Variants in TMPRSS2 observed in about 807,000 individuals in gnomAD.
TMPRSS2 encodes the protein transmembrane protease serine 2.
TMPRSS2 carries 59 observed loss-of-function variants against 67.4 expected under a neutral mutation model. The ratio of observed to expected loss-of-function variants is 0.88; its 90% confidence interval spans 0.71 to 1.09. TMPRSS2 has a LOEUF of 1.09. Ranked by LOEUF, TMPRSS2 falls within the 50% of genes least tolerant of loss-of-function variation. TMPRSS2 has a pLI of 0.00. For synonymous variants in TMPRSS2, 257 were observed against 257.0 expected, an observed-to-expected ratio of 1.00 and a Z score of 0.00; for missense variants, 668 against 642.7, an observed-to-expected ratio of 1.04 and a Z score of -0.43.
intron 1 of TMPRSS2, among the ~76,000 whole-genome samples, chr21:41,500,226 C>A (rs1216187242): frequency 3.9e-5 from 6 of 152,234 alleles, no homozygotes; most frequent in Non-Finnish European, 8.8e-5. Context: ...GTAACACCTA[C>A]CTCCAGGGCA....
rs1401630535 is a variant in TMPRSS2 at position 41,480,480 on chromosome 21, A to C, written c.568T>G (p.Tyr190Asp). 1 of 1,613,384 alleles carries C rather than the reference A, an allele frequency of 6.2e-7. No individual in the cohort carries two copies. Among genetic ancestry groups the C allele is most frequent in the Non-Finnish European group, 8.5e-7 (1 of 1,180,010 alleles). The change falls in exon 6 of 14, where the codon TAT (tyrosine) becomes GAT (aspartate). Residue 190 changes from tyrosine to aspartate, a missense_variant. By Grantham distance (160) the Tyr-to-Asp change is radical. Coordinates refer to ENST00000332149, the MANE Select transcript of TMPRSS2 (RefSeq NM_005656.4). ...CGGGTGCTGCCCCATACTCACTTAT[A>C]GCCCATGTCCCTGCAGGCCGCCCGC... ...YGRAACRDMG[Y>D]KNNFYSSQGI...
rs2091103260 is a variant in TMPRSS2, at chr21:41,468,484, C to T, written c.1226G>A (p.Arg409Lys). The change falls in exon 12 of 14, where the codon AGA (arginine) becomes AAA (lysine). Residue 409 changes from arginine (R) to lysine (K), a missense_variant. Coordinates refer to ENST00000332149, the MANE Select transcript of TMPRSS2 (RefSeq NM_005656.4). ...GTCATAGACATATCTGCTGTTGCAT[C>T]TCTGTGTCTCAATGAGAAGCACCTT... ...AAKVLLIETQ[R>K]CNSRYVYDNL... The T allele has an allele frequency of 6.2e-7, 1 of 1,614,078 alleles. No individual in the cohort carries two copies. The highest frequency in any genetic ancestry group is 1.7e-5 in the Admixed American group (1 of 60,010).
At chr21:41,488,937 A>T (rs2091316633) in intron 4 of TMPRSS2, among the ~76,000 whole-genome samples, 1 of 152,240 alleles carries the variant, frequency 6.6e-6, no homozygotes, top group Non-Finnish European at 1.5e-5. Context: ...CACCTCACCC[A>T]GCCAATCCCC....
At position 41,464,431 on chromosome 21, in the gene TMPRSS2, G is replaced by A. The variant is rs1273880358; in HGVS notation, c.*1711C>T. 4 of 188,136 alleles carry A rather than the reference G, an allele frequency of 2.1e-5. No individual in the cohort carries two copies. The highest frequency in any genetic ancestry group is 2.0e-4 in the South Asian group (1 of 5,120). The allele number at this position is 188,136 out of a possible 1,614,324, so 11.7% of individuals were successfully genotyped here. A position where few individuals can be genotyped will look rare whatever the true frequency, so the allele number is the denominator to read the frequency against. On this transcript the variant is annotated 3_prime_UTR_variant, in exon 14 of 14. Coordinates refer to ENST00000332149, the MANE Select transcript of TMPRSS2 (RefSeq NM_005656.4). Reference sequence around the variant, plus strand: ...CAGGAACTGAGGGCACCAACCACAGGAGCACCAAGTCTGGCCTTGCCTCAC... The same window carrying A: ...CAGGAACTGAGGGCACCAACCACAGAAGCACCAAGTCTGGCCTTGCCTCAC...
chr21:41,494,631 G>T, intron 2 of TMPRSS2, 53 bp from the exon 3 acceptor site: 3 of 1,492,058 alleles, frequency 2.0e-6, no homozygotes, highest in Non-Finnish European at 9.3e-7. Context: ...TGCACTAAAG[G>T]GTTACATACA....
chr21:41,495,795 A>G (rs544110139), intron 2 of TMPRSS2, among the ~76,000 whole-genome samples: 49 of 152,220 alleles, frequency 3.2e-4, no homozygotes, highest in African/African-American at 1.1e-3. Context: ...CTCAAGACGT[A>G]CAGACTCAAA....
chr21:41,508,150 C>A lies in TMPRSS2; in HGVS notation c.-126G>T. On this transcript the variant is annotated 5_prime_UTR_variant, in exon 1 of 14. Coordinates refer to ENST00000332149, the MANE Select transcript of TMPRSS2 (RefSeq NM_005656.4). Reference sequence around the variant, plus strand: ...CCGCCTCCGCCTCCTGCTTAGCTCGCGCCTACTCGGCCCGGCCCGCCCTGG... The same window carrying A: ...CCGCCTCCGCCTCCTGCTTAGCTCGAGCCTACTCGGCCCGGCCCGCCCTGG... The A allele has an allele frequency of 1.3e-6, 1 of 769,568 alleles. No homozygotes were observed. Among genetic ancestry groups the A allele is most frequent in the South Asian group, 3.5e-5 (1 of 28,812 alleles). 47.7% of individuals were successfully genotyped at this position (769,568 alleles called of 1,614,324 possible).
intron 1 of TMPRSS2, among the ~76,000 whole-genome samples, chr21:41,506,878 G>T (rs2091461733): frequency 6.6e-6 from 1 of 152,222 alleles, no homozygotes; most frequent in African/African-American, 2.4e-5. Flanking sequence ...CCTTGGGCGC[G>T]ATGCGCTCAT....
chr21:41,470,898 T>A (rs1342473270), intron 10 of TMPRSS2, among the ~76,000 whole-genome samples, 155 bp from the exon 11 acceptor site: 1 of 152,214 alleles, frequency 6.6e-6, no homozygotes, highest in African/African-American at 2.4e-5. Flanking sequence ...TTTCTCCCCC[T>A]GCCAGACCTC....
intron 1 of TMPRSS2, 107 bp downstream of exon 1, chr21:41,507,974 C>T: frequency 1.4e-6 from 2 of 1,462,144 alleles, no homozygotes; most frequent in Non-Finnish European, 1.8e-6. Context: ...TCCTCACACC[C>T]GCTTTCACCT....
At chr21:41,507,836 G>T in intron 1 of TMPRSS2, 1 of 1,203,804 alleles carries the variant, frequency 8.3e-7, no homozygotes, top group East Asian at 3.2e-5. Flanking sequence ...GCCAACAGGG[G>T]CGGCGAGGGC....
intron 3 of TMPRSS2, among the ~76,000 whole-genome samples, chr21:41,492,602 G>A (rs1054522667): frequency 6.6e-6 from 1 of 152,176 alleles, no homozygotes; most frequent in Non-Finnish European, 1.5e-5. Flanking sequence ...TAGTACCAGG[G>A]TAAGTTCAAT....
At chr21:41,490,935 C>G (rs1218578734) in intron 3 of TMPRSS2, among the ~76,000 whole-genome samples, 2 of 152,304 alleles carry the variant, frequency 1.3e-5, no homozygotes, top group Admixed American at 1.3e-4. Flanking sequence ...CCCACCTGGC[C>G]ACACCTGTGC....
chr21:41,483,877 C>A (rs2091276652), intron 5 of TMPRSS2, among the ~76,000 whole-genome samples: 1 of 150,904 alleles, frequency 6.6e-6, no homozygotes, highest in Non-Finnish European at 1.5e-5. Flanking sequence ...TGCCTGTAAT[C>A]TCAGCACTTT....
chr21:41,488,319 C>T, intron 5 of TMPRSS2, 75 bp downstream of exon 5: 1 of 1,564,836 alleles, frequency 6.4e-7, no homozygotes. Flanking sequence ...GCCCAGTCAC[C>T]CAAAGGCCCC....
chr21:41,472,233 C>T (rs2091140405), intron 9 of TMPRSS2, among the ~76,000 whole-genome samples: 1 of 151,924 alleles, frequency 6.6e-6, no homozygotes, highest in African/African-American at 2.4e-5. Flanking sequence ...GAATCTGCAG[C>T]ACCCACAATG....
chr21:41,475,626 T>G (rs1255583880), intron 8 of TMPRSS2, among the ~76,000 whole-genome samples: 1 of 14,486 alleles, frequency 6.9e-5, no homozygotes, highest in Admixed American at 6.7e-4. Flanking sequence ...AGGAGGTGAG[T>G]GAGGGTTGAG....
In TMPRSS2 at chr21:41,466,163, T is replaced by C. The variant is rs779111449; in HGVS notation, c.1468-10A>G. The C allele has an allele frequency of 2.9e-5, 47 of 1,606,944 alleles. No homozygotes were observed. Among genetic ancestry groups the C allele is most frequent in the Non-Finnish European group, 3.7e-5 (44 of 1,177,948 alleles). Reference sequence around the variant, plus strand: ...TGGATTAGCCGTCTGCCTGTTCAAATAGGAAAAAAAAAAGTGTGTTATTTT... The same window carrying C: ...TGGATTAGCCGTCTGCCTGTTCAAACAGGAAAAAAAAAAGTGTGTTATTTT... On this transcript the variant is annotated splice_polypyrimidine_tract_variant and intron_variant, in intron 13 of 13. Transcript: ENST00000332149.
At chr21:41,493,809 C>T (rs781733376) in intron 3 of TMPRSS2, among the ~76,000 whole-genome samples, 2 of 152,206 alleles carry the variant, frequency 1.3e-5, no homozygotes, top group Admixed American at 6.5e-5. Context: ...ACCTCCAGTC[C>T]TCCCACGCTC....
Sources: gnomAD v4.1 joint callset for allele counts (sites outside exome capture counted in the v4.1 genomes callset) on GRCh38, gnomAD v4.1.1 for gene constraint, MANE v1.5 for transcripts, NCBI Gene and HGNC (gene_info 2026-07-23, HGNC 2026-07-21) for gene names.